The following GABRR3 variants were observed in gnomAD, a reference collection of about 807,000 sequenced individuals.
GABRR3 encodes gamma-aminobutyric acid type A receptor subunit rho3, also known as gamma-aminobutyric acid receptor subunit rho-3.
Under a neutral mutation model 43.2 loss-of-function variants are expected in GABRR3, and 29 were observed. The observed-to-expected ratio is 0.67, with a 90% CI of 0.50 to 0.92. The LOEUF (loss-of-function observed/expected upper bound fraction) is 0.92. GABRR3 is among the 40% of genes least tolerant of loss of function. GABRR3 has a pLI of 0.00. For synonymous variants in GABRR3, 206 were observed against 195.9 expected (o/e 1.05, Z -0.43); for missense variants, 576 against 572.3 (o/e 1.01, Z -0.07).
exon 5 of GABRR3, chr3:98,012,515 G>A (rs779787275): frequency 1.9e-6 from 3 of 1,613,966 alleles, no homozygotes; most frequent in Admixed American, 3.3e-5. Flanking sequence ...GCTAGGAAAG[G>A]AGAGCCTCTC....
intron 4 of GABRR3, among the ~76,000 whole-genome samples, chr3:98,014,079 CA>C (rs147664759): frequency 6.6e-6 from 1 of 151,996 alleles, no homozygotes; most frequent in South Asian, 2.1e-4. Flanking sequence ...AACAAACCAA[CA>C]AAAAAACCAA....
chr3:97,993,921 T>G (rs1706504423), intron 8 of GABRR3, among the ~76,000 whole-genome samples: 2 of 152,130 alleles, frequency 1.3e-5, no homozygotes, highest in African/African-American at 4.8e-5. Context: ...GACTCTGAGA[T>G]CTCCTTAATA....
intron 3 of GABRR3, among the ~76,000 whole-genome samples, chr3:98,023,941 C>T (rs541214758): frequency 6.6e-6 from 1 of 152,338 alleles, no homozygotes; most frequent in South Asian, 2.1e-4. Context: ...TGGTTGGCCC[C>T]ACCCAGATCT....
intron 3 of GABRR3, among the ~76,000 whole-genome samples, chr3:98,018,408 G>A (rs972376491): frequency 3.3e-5 from 5 of 152,164 alleles, no homozygotes; most frequent in Admixed American, 2.0e-4. Flanking sequence ...AATACTGAGA[G>A]TAGAATTGGA....
chr3:98,003,416 CT>C (rs35589224), intron 7 of GABRR3, among the ~76,000 whole-genome samples: 403 of 133,444 alleles, frequency 3.0e-3, no homozygotes, highest in Middle Eastern at 3.8e-3. Context: ...AACAGTTGTC[CT>C]TTTTTTTTTT....
At chr3:98,009,385 T>G in intron 5 of GABRR3, among the ~76,000 whole-genome samples, 1 of 151,842 alleles carries the variant, frequency 6.6e-6, no homozygotes, top group East Asian at 1.9e-4. Flanking sequence ...TTTTTTGCTT[T>G]CTGGAAGATC....
intron 8 of GABRR3, chr3:97,997,588 G>C (rs922572287): frequency 6.6e-6 from 1 of 152,252 alleles, no homozygotes; most frequent in East Asian, 1.9e-4. Context: ...AGTTGCACAG[G>C]CATAACAGTT....
At chr3:97,993,435 AT>A (rs1050601571) in intron 8 of GABRR3, among the ~76,000 whole-genome samples, 1 of 152,040 alleles carries the variant, frequency 6.6e-6, no homozygotes, top group African/African-American at 2.4e-5. Flanking sequence ...TTCTTTCACA[AT>A]TTTTACTGTT....
intron 2 of GABRR3, among the ~76,000 whole-genome samples, chr3:98,031,939 A>T (rs1237252564): frequency 2.0e-5 from 3 of 152,066 alleles, no homozygotes; most frequent in African/African-American, 7.2e-5. Flanking sequence ...GTAATGTTTA[A>T]CAAGTGACTC....
At chr3:97,986,466 A>G (rs1423737300), downstream of GABRR3, among the ~76,000 whole-genome samples, 3 of 152,268 alleles carry the variant, frequency 2.0e-5, no homozygotes, top group African/African-American at 7.2e-5. Context: ...TGTTTTTCCC[A>G]TAATACACAT....
downstream of GABRR3, among the ~76,000 whole-genome samples, chr3:97,986,118 G>A (rs1706383209): frequency 1.3e-5 from 2 of 152,004 alleles, no homozygotes; most frequent in Non-Finnish European, 1.5e-5. Flanking sequence ...TGCACACCTC[G>A]GCCTCCCAAA....
chr3:98,003,667 C>T (rs778389057), intron 7 of GABRR3, among the ~76,000 whole-genome samples: 2 of 152,130 alleles, frequency 1.3e-5, no homozygotes, highest in African/African-American at 2.4e-5. Context: ...CCAACTTCTC[C>T]TTCTGCCCTA....
In GABRR3 at chr3:98,001,776, A is replaced by T; in HGVS notation, c.755-9T>A. 1 of 1,612,668 alleles carries T rather than the reference A, an allele frequency of 6.2e-7. No individual in the cohort carries two copies. The highest frequency in any genetic ancestry group is 8.5e-7 in the Non-Finnish European group (1 of 1,179,154). On this transcript the variant is annotated splice_polypyrimidine_tract_variant and intron_variant, in intron 7 of 9. Transcript: ENST00000621172. ...AAGCCTATTGTACCAACCTGTGGAA[A>T]AAAGCCAAAGTTTTCATTAGAGCAA...
intron 3 of GABRR3, among the ~76,000 whole-genome samples, chr3:98,025,060 A>G (rs2107248766): frequency 6.6e-6 from 1 of 152,340 alleles, no homozygotes; most frequent in Middle Eastern, 3.4e-3. Flanking sequence ...TCATAGGATC[A>G]CTGTGAGGAT....
Position 98,029,174 on chromosome 3 carries a change from C to A in GABRR3, c.126-3495G>T, listed in dbSNP as rs936604160. On this transcript the variant is annotated intron_variant, in intron 2 of 9. Coordinates refer to ENST00000621172, the Ensembl canonical transcript of GABRR3. ...CGTGGGAGAGCCTCTCACTGGCATT[C>A]CTAATTTTTGTCCTTTCCCACAAAG... is the stretch of plus-strand genomic sequence containing the variant. 5.3e-5 allele frequency among the ~76,000 whole-genome samples: 8 copies of A among 152,254 alleles called. No individual in the cohort carries two copies. The South Asian group carries it at 1.2e-3, about 24-fold the overall frequency.
chr3:98,028,095 T>C (rs923685004), intron 2 of GABRR3, among the ~76,000 whole-genome samples: 1 of 152,120 alleles, frequency 6.6e-6, no homozygotes, highest in African/African-American at 2.4e-5. Context: ...TGTTTAAATA[T>C]TGATACTTAT....
chr3:97,989,989 G>A (rs1006160049), intron 9 of GABRR3, among the ~76,000 whole-genome samples: 6 of 152,092 alleles, frequency 3.9e-5, no homozygotes, highest in African/African-American at 1.4e-4. Flanking sequence ...ATATACAGGT[G>A]TCATCTATTA....
At chr3:98,018,004 C>CTTTTTTT (rs10710938) in intron 3 of GABRR3, among the ~76,000 whole-genome samples, 1 of 137,018 alleles carries the variant, frequency 7.3e-6, no homozygotes, top group Non-Finnish European at 1.6e-5. Context: ...CTCCAGTTTT[C>CTTTTTTT]TTTTTTTTTT....
intron 3 of GABRR3, among the ~76,000 whole-genome samples, chr3:98,017,934 T>C (rs1706892331): frequency 6.6e-6 from 1 of 151,938 alleles, no homozygotes. Context: ...ATTCTAATAA[T>C]CATTACTCAT....
Sources: gnomAD v4.1 joint callset for allele counts (sites outside exome capture counted in the v4.1 genomes callset) on GRCh38, gnomAD v4.1.1 for gene constraint, MANE v1.5 for transcripts, NCBI Gene and HGNC (gene_info 2026-07-23, HGNC 2026-07-21) for gene names.